CNTNAP2: variants seen among roughly 807,000 people sequenced by gnomAD.
The protein encoded by CNTNAP2 is contactin-associated protein-like 2.
In CNTNAP2, 98 loss-of-function variants were observed where a neutral mutation model predicts 155.2. The observed-to-expected ratio is 0.63, with a 90% CI of 0.54 to 0.75. The LOEUF (loss-of-function observed/expected upper bound fraction) is 0.75. Ranked by LOEUF, CNTNAP2 falls within the 30% of genes least tolerant of loss-of-function variation. The pLI is 0.00. For synonymous variants in CNTNAP2, 651 were observed against 631.2 expected (o/e 1.03, Z -0.47); for missense variants, 1,727 against 1,688.1 (o/e 1.02, Z -0.40).
chr7:146,938,358 A>G (rs1412795014), intron 3 of CNTNAP2, among the ~76,000 whole-genome samples: 1 of 146,432 alleles, frequency 6.8e-6, no homozygotes, highest in African/African-American at 2.5e-5. Flanking sequence ...CTGTATATTT[A>G]CATATATAAT....
At chr7:147,525,237 A>G (rs1419486554) in intron 11 of CNTNAP2, among the ~76,000 whole-genome samples, 1 of 152,240 alleles carries the variant, frequency 6.6e-6, no homozygotes, top group Non-Finnish European at 1.5e-5. Flanking sequence ...TGTCAAAGAA[A>G]CACAGAGCAT....
rs554538208 is a variant in CNTNAP2, at chr7:147,917,907, T to C, written c.2255+14186T>C. 3.7e-4 allele frequency among the ~76,000 whole-genome samples: 57 copies of C among 152,260 alleles called. No homozygotes were observed. The South Asian group carries it at 6.4e-3, about 17-fold the overall frequency. ...TCACACTGGGGCCATTGTAAGGATA[T>C]TTGTATTTTCTCATCGCTGGTCCTT... On this transcript the variant is annotated intron_variant, in intron 14 of 23. Coordinates refer to ENST00000361727, the MANE Select transcript of CNTNAP2 (RefSeq NM_014141.6).
intron 1 of CNTNAP2, among the ~76,000 whole-genome samples, chr7:146,191,310 TA>T (rs1316877885): frequency 6.6e-6 from 1 of 152,052 alleles, no homozygotes; most frequent in Non-Finnish European, 1.5e-5. Flanking sequence ...TAGTGATTTT[TA>T]AAGGGGAGGG....
intron 19 of CNTNAP2, among the ~76,000 whole-genome samples, chr7:148,227,219 G>A (rs983059553): frequency 2.6e-5 from 4 of 152,166 alleles, no homozygotes; most frequent in Non-Finnish European, 4.4e-5. Flanking sequence ...GAGTGAAGAT[G>A]AGGCCTGAGA....
chr7:147,487,888 C>T (rs904648269), intron 11 of CNTNAP2, among the ~76,000 whole-genome samples: 4 of 152,244 alleles, frequency 2.6e-5, no homozygotes, highest in Non-Finnish European at 5.9e-5. Flanking sequence ...TTGTTCCTTG[C>T]TCCATTTTGT....
chr7:147,468,681 T>G (rs1248215769), intron 10 of CNTNAP2, among the ~76,000 whole-genome samples: 2 of 152,192 alleles, frequency 1.3e-5, no homozygotes, highest in Non-Finnish European at 2.9e-5. Context: ...TAAAACTCAC[T>G]TGAAAGTCAG....
chr7:146,338,386 T>G (rs775319035), intron 1 of CNTNAP2, among the ~76,000 whole-genome samples: 3 of 152,126 alleles, frequency 2.0e-5, no homozygotes, highest in Non-Finnish European at 4.4e-5. Flanking sequence ...GTATTTAAAT[T>G]GAATATCAGT....
intron 1 of CNTNAP2, among the ~76,000 whole-genome samples, chr7:146,653,002 T>C (rs1417671738): frequency 6.6e-6 from 1 of 152,140 alleles, no homozygotes; most frequent in Non-Finnish European, 1.5e-5. Flanking sequence ...ATTCACAGCC[T>C]CTGTTTTAAA....
At chr7:146,796,858 C>T (rs115278491) in intron 2 of CNTNAP2, among the ~76,000 whole-genome samples, 7,877 of 152,100 alleles carry the variant, frequency 0.052, 656 homozygotes, top group African/African-American at 0.17. Flanking sequence ...CATTCTTGGC[C>T]GGGCGCGGTG....
At chr7:146,261,109 G>A (rs1407838964) in intron 1 of CNTNAP2, among the ~76,000 whole-genome samples, 1 of 152,062 alleles carries the variant, frequency 6.6e-6, no homozygotes, top group East Asian at 1.9e-4. Context: ...CATGTCAGAC[G>A]TGCCTTGCTT....
intron 8 of CNTNAP2, among the ~76,000 whole-genome samples, chr7:147,251,434 ATAGG>A (rs750487951): frequency 2.3e-4 from 35 of 150,930 alleles, no homozygotes; most frequent in East Asian, 3.9e-4. Flanking sequence ...GTCAAAACAG[ATAGG>A]TAGGTAGGTA....
At chr7:148,146,911 A>T (rs1805193047) in intron 16 of CNTNAP2, among the ~76,000 whole-genome samples, 1 of 152,138 alleles carries the variant, frequency 6.6e-6, no homozygotes, top group Admixed American at 6.5e-5. Context: ...AATTCCCCCA[A>T]AGCAGTAGCT....
At chr7:147,098,303 G>T (rs1295906251) in intron 4 of CNTNAP2, among the ~76,000 whole-genome samples, 1 of 152,102 alleles carries the variant, frequency 6.6e-6, no homozygotes, top group African/African-American at 2.4e-5. Flanking sequence ...TTCTCACCCT[G>T]CACATGAATT....
chr7:148,031,679 C>T (rs1452420599), intron 15 of CNTNAP2, among the ~76,000 whole-genome samples: 2 of 152,064 alleles, frequency 1.3e-5, no homozygotes, highest in African/African-American at 4.8e-5. Context: ...TGGTGTTGCC[C>T]AGGGGAATAG....
chr7:148,351,836 T>C (rs1798433656), intron 21 of CNTNAP2, among the ~76,000 whole-genome samples: 1 of 151,704 alleles, frequency 6.6e-6, no homozygotes, highest in Non-Finnish European at 1.5e-5. Context: ...GGGTGGACAG[T>C]TCAGGACTGA....
intron 1 of CNTNAP2, among the ~76,000 whole-genome samples, chr7:146,247,122 G>A (rs1799673120): frequency 6.6e-6 from 1 of 152,156 alleles, no homozygotes; most frequent in African/African-American, 2.4e-5. Context: ...TGACCTTTCA[G>A]GGTCTAGGGC....
At chr7:146,975,701 C>T (rs1212349853) in intron 3 of CNTNAP2, among the ~76,000 whole-genome samples, 4 of 152,148 alleles carry the variant, frequency 2.6e-5, no homozygotes, top group Admixed American at 6.5e-5. Context: ...TGTGCTCCTC[C>T]ATCTCCCATT....
chr7:148,377,640 A>C (rs4725780), intron 21 of CNTNAP2, among the ~76,000 whole-genome samples: 63,825 of 65,490 alleles, frequency 0.97, 31,658 homozygotes, highest in Middle Eastern at 1. Context: ...ACCTGTTTAC[A>C]CTATGAAGCT....
At chr7:148,020,960 T>C (rs2116918162) in intron 15 of CNTNAP2, among the ~76,000 whole-genome samples, 2 of 152,354 alleles carry the variant, frequency 1.3e-5, no homozygotes, top group Admixed American at 1.3e-4. Flanking sequence ...ACACCGTCAA[T>C]CATTGAATCG....
Sources: allele counts gnomAD v4.1 joint callset (sites outside exome capture counted in the v4.1 genomes callset), GRCh38; gene constraint gnomAD v4.1.1; transcripts MANE v1.5; gene names NCBI Gene and HGNC (gene_info 2026-07-23, HGNC 2026-07-21).